The following KCND2 variants were observed in gnomAD, a reference collection of about 807,000 sequenced individuals.
The protein encoded by KCND2 is potassium voltage-gated channel subfamily D member 2.
Under a neutral mutation model 54.4 loss-of-function variants are expected in KCND2, and 16 were observed. That is an observed-to-expected ratio of 0.29 (90% CI 0.20 to 0.45). The LOEUF (loss-of-function observed/expected upper bound fraction) is 0.45, where lower values mean the gene tolerates loss of function less well. KCND2 is among the 20% of genes least tolerant of loss of function. KCND2 has a pLI of 1.00. For missense variants in KCND2, 486 were observed against 824.2 expected (o/e 0.59, Z 5.02); for synonymous variants, 317 against 310.7 (o/e 1.02, Z -0.21).
At chr7:120,604,131 A>G (rs926931019) in intron 1 of KCND2, among the ~76,000 whole-genome samples, 2 of 152,314 alleles carry the variant, frequency 1.3e-5, no homozygotes, top group Admixed American at 6.5e-5. Flanking sequence ...AATAAATTCT[A>G]AAATGTTAGC....
At chr7:120,503,328 T>C (rs1191440952) in intron 1 of KCND2, among the ~76,000 whole-genome samples, 1 of 151,804 alleles carries the variant, frequency 6.6e-6, no homozygotes, top group Non-Finnish European at 1.5e-5. Flanking sequence ...AAGTAATCCA[T>C]GCTAATATTT....
intron 1 of KCND2, among the ~76,000 whole-genome samples, chr7:120,378,495 G>A (rs538811101): frequency 1.3e-5 from 2 of 151,884 alleles, no homozygotes; most frequent in East Asian, 1.9e-4. Flanking sequence ...TTTAGTGGCC[G>A]CTGTATTTTC....
intron 1 of KCND2, among the ~76,000 whole-genome samples, chr7:120,279,847 ATATT>A (rs1799237313): frequency 3.3e-5 from 5 of 151,894 alleles, no homozygotes; most frequent in African/African-American, 9.7e-5. Context: ...TTATAATTAT[ATATT>A]ATTAAAGAGA....
At chr7:120,478,145 A>G (rs1802556415) in intron 1 of KCND2, among the ~76,000 whole-genome samples, 1 of 152,212 alleles carries the variant, frequency 6.6e-6, no homozygotes, top group South Asian at 2.1e-4. Context: ...AATACACTTT[A>G]TAAAGTCTAT....
chr7:120,412,860 C>T (rs775721280), intron 1 of KCND2, among the ~76,000 whole-genome samples: 2 of 152,038 alleles, frequency 1.3e-5, no homozygotes, highest in African/African-American at 4.8e-5. Flanking sequence ...TTTTAGGCCA[C>T]GCTAAAGCAG....
chr7:120,458,245 G>A (rs1802228824), intron 1 of KCND2, among the ~76,000 whole-genome samples: 3 of 152,234 alleles, frequency 2.0e-5, no homozygotes, highest in South Asian at 2.1e-4. Flanking sequence ...ATACTAACTC[G>A]TTATACTATG....
chr7:120,490,026 C>T (rs774085878), intron 1 of KCND2, among the ~76,000 whole-genome samples: 1 of 152,136 alleles, frequency 6.6e-6, no homozygotes, highest in Non-Finnish European at 1.5e-5. Context: ...TTAAATGAAG[C>T]TCAAAGCCTA....
At chr7:120,388,172 A>G (rs1045885590) in intron 1 of KCND2, among the ~76,000 whole-genome samples, 1 of 152,188 alleles carries the variant, frequency 6.6e-6, no homozygotes, top group Non-Finnish European at 1.5e-5. Context: ...ATTTTATGAT[A>G]GTATAGAAAT....
intron 1 of KCND2, among the ~76,000 whole-genome samples, chr7:120,578,544 G>A (rs761929074): frequency 3.3e-5 from 5 of 151,980 alleles, no homozygotes; most frequent in East Asian, 1.9e-4. Flanking sequence ...CCAGCCTAGC[G>A]AACATGGTGA....
chr7:120,339,050 A>C (rs368859926), intron 1 of KCND2, among the ~76,000 whole-genome samples: 1 of 138,906 alleles, frequency 7.2e-6, no homozygotes, highest in Non-Finnish European at 1.5e-5. Context: ...CTGGCTAATT[A>C]TTATTTTTTT....
chr7:120,326,417 C>G (rs928615149), intron 1 of KCND2, among the ~76,000 whole-genome samples: 1 of 152,124 alleles, frequency 6.6e-6, no homozygotes, highest in East Asian at 1.9e-4. Flanking sequence ...AAAGTGATTA[C>G]AATAATATTC....
chr7:120,295,426 A>G (rs1383247123), intron 1 of KCND2, among the ~76,000 whole-genome samples: 2 of 151,268 alleles, frequency 1.3e-5, no homozygotes, highest in African/African-American at 4.9e-5. Context: ...ACCCACACAC[A>G]TTCTACATTA....
At chr7:120,626,117 T>A (rs1171823496) in intron 1 of KCND2, among the ~76,000 whole-genome samples, 1 of 152,162 alleles carries the variant, frequency 6.6e-6, no homozygotes, top group East Asian at 1.9e-4. Flanking sequence ...GCATTAATAT[T>A]CGATCATGTA....
intron 1 of KCND2, among the ~76,000 whole-genome samples, chr7:120,277,397 TA>T (rs1173851252): frequency 6.6e-6 from 1 of 152,052 alleles, no homozygotes; most frequent in Non-Finnish European, 1.5e-5. Context: ...AGGAGATCCT[TA>T]TTAAGGACAA....
intron 1 of KCND2, among the ~76,000 whole-genome samples, chr7:120,281,586 A>G (rs1799265116): frequency 2.0e-5 from 3 of 152,124 alleles, no homozygotes; most frequent in Admixed American, 2.0e-4. Flanking sequence ...TACGTCATTT[A>G]TAGTTGGAAT....
At chr7:120,555,396 C>A (rs894703214) in intron 1 of KCND2, among the ~76,000 whole-genome samples, 2 of 152,194 alleles carry the variant, frequency 1.3e-5, no homozygotes, top group South Asian at 4.1e-4. Context: ...TCAAGCAATC[C>A]TCCCATCTCA....
chr7:120,687,054 C>A lies in KCND2; in HGVS notation c.1116-45849C>A, dbSNP rs143790351. Among the ~76,000 whole-genome samples the A allele has an allele frequency of 9.2e-5, 14 of 152,132 alleles. No homozygotes were observed. The East Asian group carries it at 2.7e-3, about 30-fold the overall frequency. The stretch of plus-strand genomic sequence containing the variant: ...TGTGTGTGGAGGGGTCCTCTCCTAC[C>A]CTGCTCATGTCTGCTTGACTACCTA... On this transcript the variant is annotated intron_variant, in intron 1 of 5. Coordinates refer to ENST00000331113, the MANE Select transcript of KCND2 (RefSeq NM_012281.3).
chr7:120,359,123 G>C (rs897836381), intron 1 of KCND2, among the ~76,000 whole-genome samples: 2 of 152,138 alleles, frequency 1.3e-5, no homozygotes, highest in Non-Finnish European at 2.9e-5. Flanking sequence ...ACTGGAATAA[G>C]TCAGGTTAGC....
Position 120,625,656 on chromosome 7 carries a change from A to G in KCND2, c.1116-107247A>G, listed in dbSNP as rs1793155073. Among the ~76,000 whole-genome samples the G allele has an allele frequency of 2.0e-5, 3 of 152,264 alleles. No individual in the cohort carries two copies. In the South Asian group the frequency reaches 6.2e-4, roughly 32 times the overall value. On this transcript the variant is annotated intron_variant, in intron 1 of 5. Transcript: ENST00000331113. ...TCAGTAGAAATCATGGAGAAATTCA[A>G]AAGAATATTAAAATAAGGTACATAC...
Sources: allele counts gnomAD v4.1 joint callset (sites outside exome capture counted in the v4.1 genomes callset), GRCh38; gene constraint gnomAD v4.1.1; transcripts MANE v1.5; gene names NCBI Gene and HGNC (gene_info 2026-07-23, HGNC 2026-07-21).